Variants in PPM1L observed in about 807,000 individuals in gnomAD.
PPM1L encodes protein phosphatase, Mg2+/Mn2+ dependent 1L, also known as protein phosphatase 1L.
Under a neutral mutation model 31.4 loss-of-function variants are expected in PPM1L, and 13 were observed. That is an observed-to-expected ratio of 0.41 (90% confidence interval 0.27 to 0.66). The LOEUF is 0.66. Among genes scored for constraint, PPM1L ranks in the 30% least tolerant of loss-of-function variants. The probability of loss-of-function intolerance (pLI) is 0.29; values close to 1 mark genes in which losing one functional copy is unlikely to be tolerated. For synonymous variants in PPM1L, 184 were observed against 175.4 expected (o/e 1.05, Z -0.39); for missense variants, 326 against 453.7 (o/e 0.72, Z 2.56).
chr3:160,914,123 C>A lies in PPM1L; in HGVS notation c.400-47613C>A, dbSNP rs760364752. On this transcript the variant is annotated intron_variant, in intron 1 of 3. Coordinates refer to ENST00000498165, the MANE Select transcript of PPM1L (RefSeq NM_139245.4). Reference sequence around the variant, plus strand: ...CGTAGACATTCTTTTTAATTTTAGTCATTCTAATAGGTGTGTATTGGTATA... The same window carrying A: ...CGTAGACATTCTTTTTAATTTTAGTAATTCTAATAGGTGTGTATTGGTATA... 2.0e-4 allele frequency among the ~76,000 whole-genome samples: 31 copies of A among 152,224 alleles called. No homozygotes were observed. In the Middle Eastern group the frequency reaches 0.014, roughly 67 times the overall value.
At position 160,973,716 on chromosome 3, in the gene PPM1L, C is replaced by G. The variant is rs894104895; in HGVS notation, c.574+11806C>G. Among the ~76,000 whole-genome samples, 111 of 133,542 alleles carry G rather than the reference C, an allele frequency of 8.3e-4. 2 individuals carry two copies. Among genetic ancestry groups the G allele is most frequent in the Admixed American group, 4.9e-4 (6 of 12,228 alleles). The allele number at this position is 133,542 out of a possible 152,430, so 87.6% of individuals were successfully genotyped here. On this transcript the variant is annotated intron_variant, in intron 2 of 3. Transcript: ENST00000498165. ...TGTTATGTTCAGTCTTTGGGATCTA[C>G]TAGACACTTTAAGAATTCATCTGGT...
chr3:160,914,584 C>A (rs1175579645), intron 1 of PPM1L, among the ~76,000 whole-genome samples: 1 of 152,022 alleles, frequency 6.6e-6, no homozygotes, highest in Non-Finnish European at 1.5e-5. Flanking sequence ...ATGATGGTTT[C>A]CAGCTTCATC....
rs1175429962 is a variant in PPM1L, at chr3:160,913,873, A to C, written c.400-47863A>C. 2.6e-5 allele frequency among the ~76,000 whole-genome samples: 4 copies of C among 152,304 alleles called. No homozygotes were observed. In the East Asian group the frequency reaches 7.7e-4, roughly 29 times the overall value. ...CCAGTTTTTGACTACCATTAATCAA[A>C]GATATACATATCTTTGAGTACTCAA... is the stretch of plus-strand genomic sequence containing the variant. On this transcript the variant is annotated intron_variant, in intron 1 of 3. Transcript: ENST00000498165.
At chr3:161,012,381 G>T (rs183558907) in intron 2 of PPM1L, among the ~76,000 whole-genome samples, 2 of 152,186 alleles carry the variant, frequency 1.3e-5, no homozygotes, top group East Asian at 1.9e-4. Context: ...CTTGATCATG[G>T]TGGATAAGCT....
At position 161,073,563 on chromosome 3, in the gene PPM1L, TCCC is replaced by T. The variant is rs372205550; in HGVS notation, c.*4411_*4413del. 6.8e-6 allele frequency: 1 copy of T among 147,726 alleles called. No individual in the cohort carries two copies. The highest frequency in any genetic ancestry group is 1.5e-5 in the Non-Finnish European group (1 of 67,140). The allele number at this position is 147,726 out of a possible 1,614,324, so 9.2% of individuals were successfully genotyped here. ...ATCCTACTTAAAGCTCTAAACATCA[TCCC>T]CCCCTTTTTTTTTTTAACGGAATCT... On this transcript the variant is annotated 3_prime_UTR_variant, in exon 4 of 4. Coordinates refer to ENST00000498165, the MANE Select transcript of PPM1L (RefSeq NM_139245.4).
intron 1 of PPM1L, among the ~76,000 whole-genome samples, chr3:160,805,934 G>A (rs1712589962): frequency 6.6e-6 from 1 of 152,080 alleles, no homozygotes; most frequent in Non-Finnish European, 1.5e-5. Context: ...TGCAAAATAT[G>A]TCAATATTGA....
At chr3:160,828,405 G>A (rs938294224) in intron 1 of PPM1L, among the ~76,000 whole-genome samples, 1 of 152,114 alleles carries the variant, frequency 6.6e-6, no homozygotes, top group African/African-American at 2.4e-5. Flanking sequence ...CATACACTGA[G>A]TAGGCATTCA....
At chr3:160,999,327 A>G (rs1245548718) in intron 2 of PPM1L, among the ~76,000 whole-genome samples, 1 of 152,170 alleles carries the variant, frequency 6.6e-6, no homozygotes, top group Non-Finnish European at 1.5e-5. Flanking sequence ...CTATACTCTA[A>G]TAAAGCTTAA....
rs1353371190 is a variant in PPM1L at position 161,078,619 on chromosome 3, G to C, written c.*9462G>C. On this transcript the variant is annotated 3_prime_UTR_variant, in exon 4 of 4. Coordinates refer to ENST00000498165, the MANE Select transcript of PPM1L (RefSeq NM_139245.4). ...GTCTTCAGAGGTTATTATACCTACT[G>C]ATCTGTATTTGTCTCTAAGAGACAT... 6.6e-6 allele frequency: 1 copy of C among 152,166 alleles called. No homozygotes were observed. Among genetic ancestry groups the C allele is most frequent in the Non-Finnish European group, 1.5e-5 (1 of 68,042 alleles). The allele number at this position is 152,166 out of a possible 1,614,324, so 9.4% of individuals were successfully genotyped here.
intron 1 of PPM1L, among the ~76,000 whole-genome samples, chr3:160,903,047 A>C (rs965526188): frequency 2.0e-5 from 3 of 152,282 alleles, no homozygotes; most frequent in Admixed American, 1.3e-4. Flanking sequence ...AAAAAGGTGG[A>C]TAGTAATACA....
intron 2 of PPM1L, among the ~76,000 whole-genome samples, chr3:161,002,158 G>A (rs956463392): frequency 3.3e-5 from 5 of 152,272 alleles, no homozygotes; most frequent in Middle Eastern, 6.8e-3. Context: ...CCCTACAAAC[G>A]ACGTGAACTC....
chr3:161,053,533 C>G (rs1366830297), intron 2 of PPM1L, among the ~76,000 whole-genome samples: 1 of 152,222 alleles, frequency 6.6e-6, no homozygotes, highest in Non-Finnish European at 1.5e-5. Context: ...AGTTGAAGAA[C>G]ATTTTAATTT....
intron 1 of PPM1L, among the ~76,000 whole-genome samples, chr3:160,949,907 G>A (rs765815374): frequency 6.6e-5 from 10 of 152,178 alleles, no homozygotes; most frequent in African/African-American, 2.4e-4. Context: ...AAAACTATAT[G>A]TATGCAGTAG....
intron 2 of PPM1L, among the ~76,000 whole-genome samples, chr3:161,062,138 G>T (rs1444091334): frequency 2.8e-5 from 3 of 107,670 alleles, no homozygotes; most frequent in East Asian, 3.2e-4. Flanking sequence ...CTCTTTTAGT[G>T]GGGGGGGAAA....
At chr3:160,985,981 C>CA (rs1553752453) in intron 2 of PPM1L, among the ~76,000 whole-genome samples, 54,418 of 148,872 alleles carry the variant, frequency 0.37, 11,875 homozygotes, top group Non-Finnish European at 0.51. Context: ...TCCACCCACC[C>CA]AAAAAAAAAA....
At chr3:161,061,583 A>T in intron 2 of PPM1L, among the ~76,000 whole-genome samples, 1 of 152,342 alleles carries the variant, frequency 6.6e-6, no homozygotes, top group African/African-American at 2.4e-5. Context: ...AAACAATATA[A>T]CATCATACAA....
At chr3:161,037,210 T>C (rs943650631) in intron 2 of PPM1L, among the ~76,000 whole-genome samples, 4 of 152,174 alleles carry the variant, frequency 2.6e-5, no homozygotes, top group Non-Finnish European at 2.9e-5. Context: ...CTTCTGAGAC[T>C]GGGTTATATA....
At chr3:160,980,706 G>GA (rs375518927) in intron 2 of PPM1L, among the ~76,000 whole-genome samples, 7 of 15,016 alleles carry the variant, frequency 4.7e-4, no homozygotes, top group Admixed American at 7.1e-4. Flanking sequence ...GAAAGAGAGA[G>GA]AAAAAAAAAG....
chr3:161,042,982 T>A (rs1576802027), intron 2 of PPM1L, among the ~76,000 whole-genome samples: 1 of 148,832 alleles, frequency 6.7e-6, no homozygotes, highest in Non-Finnish European at 1.5e-5. Context: ...ATCACGCCAG[T>A]GCACTCCAGC....
Sources: allele counts gnomAD v4.1 joint callset (sites outside exome capture counted in the v4.1 genomes callset), GRCh38; gene constraint gnomAD v4.1.1; transcripts MANE v1.5; gene names NCBI Gene and HGNC (gene_info 2026-07-23, HGNC 2026-07-21).